Variants in NEO1 observed in about 807,000 individuals in gnomAD.
The protein encoded by NEO1 is neogenin 1.
In NEO1, 63 loss-of-function variants were observed where a neutral mutation model predicts 159.7. That is an observed-to-expected ratio of 0.39 (90% CI 0.32 to 0.49). The LOEUF is 0.49. Ranked by LOEUF, NEO1 falls within the 20% of genes least tolerant of loss-of-function variation. The probability of loss-of-function intolerance (pLI) is 0.85; values close to 1 mark genes in which losing one functional copy is unlikely to be tolerated. For missense variants in NEO1, 1,615 were observed against 1,831.0 expected (o/e 0.88, Z 2.15); for synonymous variants, 633 against 662.0 (o/e 0.96, Z 0.67).
chr15:73,053,758 G>T (rs2067573612), intron 1 of NEO1, among the ~76,000 whole-genome samples: 1 of 152,222 alleles, frequency 6.6e-6, no homozygotes, highest in African/African-American at 2.4e-5. Context: ...CATGTAATCT[G>T]TTAAAATTAT....
rs566508144 is a variant in NEO1 at position 73,117,002 on chromosome 15, C to T, written c.448+145C>T. On this transcript the variant is annotated intron_variant, in intron 2 of 28. Transcript: ENST00000261908. ...AGATATCAATTGTGCATATACTCTG[C>T]GTATGGGACCTTGCTGTAGGGCTTG... 40 of 634,616 alleles carry T rather than the reference C, an allele frequency of 6.3e-5. 1 individual carries two copies. In the Admixed American group the frequency reaches 1.3e-3, roughly 21 times the overall value. 39.3% of individuals were successfully genotyped at this position (634,616 alleles called of 1,614,324 possible). A position where few individuals can be genotyped will look rare whatever the true frequency, so the allele number is the denominator to read the frequency against.
intron 1 of NEO1, among the ~76,000 whole-genome samples, chr15:73,063,675 A>G (rs574343472): frequency 1.3e-5 from 2 of 152,198 alleles, no homozygotes; most frequent in East Asian, 3.9e-4. Context: ...GGAGGGTAAA[A>G]TACAGAGCAT....
chr15:73,291,507 A>G (rs1183036863), intron 25 of NEO1, among the ~76,000 whole-genome samples: 3 of 152,116 alleles, frequency 2.0e-5, no homozygotes, highest in African/African-American at 4.8e-5. Flanking sequence ...GTTTTCAGAT[A>G]CTGTTTTTAA....
intron 2 of NEO1, among the ~76,000 whole-genome samples, chr15:73,120,393 A>C (rs1392886345): frequency 6.7e-6 from 1 of 148,538 alleles, no homozygotes; most frequent in Non-Finnish European, 1.5e-5. Context: ...CCTTGAAATA[A>C]AAAAAAAATA....
At chr15:73,057,649 G>C (rs1256191395) in intron 1 of NEO1, among the ~76,000 whole-genome samples, 2 of 152,118 alleles carry the variant, frequency 1.3e-5, no homozygotes, top group Non-Finnish European at 2.9e-5. Flanking sequence ...AGAATGAAGA[G>C]AGTTTTTTTG....
At chr15:73,282,926 C>A in intron 22 of NEO1, 38 bp from the exon 23 acceptor site, 1 of 1,599,012 alleles carries the variant, frequency 6.3e-7, no homozygotes, top group Non-Finnish European at 8.5e-7. Flanking sequence ...GTTTTAAATT[C>A]TCTAACCCTA....
chr15:73,261,888 A>C (rs1404076569), intron 15 of NEO1, among the ~76,000 whole-genome samples: 5 of 152,202 alleles, frequency 3.3e-5, no homozygotes, highest in Non-Finnish European at 7.4e-5. Context: ...ATGTCTTCTT[A>C]TAATTGAGAC....
intron 16 of NEO1, among the ~76,000 whole-genome samples, chr15:73,267,999 G>A (rs1430902661): frequency 6.6e-6 from 1 of 152,174 alleles, no homozygotes; most frequent in East Asian, 1.9e-4. Context: ...CTTTCCTGAA[G>A]GAAGAGTACA....
At chr15:73,117,285 GATTA>G (rs1254231482) in intron 2 of NEO1, among the ~76,000 whole-genome samples, 1 of 152,166 alleles carries the variant, frequency 6.6e-6, no homozygotes, top group African/African-American at 2.4e-5. Flanking sequence ...CATTCAATTG[GATTA>G]ATTGTTTTAA....
chr15:73,250,737 T>C (rs2040028357), intron 11 of NEO1, among the ~76,000 whole-genome samples: 1 of 152,116 alleles, frequency 6.6e-6, no homozygotes, highest in Non-Finnish European at 1.5e-5. Context: ...TTCTAGAATC[T>C]AGATTAAAGA....
intron 1 of NEO1, among the ~76,000 whole-genome samples, chr15:73,073,843 G>T (rs2068647521): frequency 6.6e-6 from 1 of 152,116 alleles, no homozygotes; most frequent in South Asian, 2.1e-4. Flanking sequence ...AATTATATGG[G>T]AATAGTATTG....
At chr15:73,222,339 C>T (rs373781442) in intron 7 of NEO1, among the ~76,000 whole-genome samples, 1 of 151,710 alleles carries the variant, frequency 6.6e-6, no homozygotes, top group African/African-American at 2.4e-5. Context: ...CTCCTGACCT[C>T]GTGATCCGCC....
At chr15:73,130,960 G>C (rs1255197330) in intron 4 of NEO1, among the ~76,000 whole-genome samples, 1 of 152,148 alleles carries the variant, frequency 6.6e-6, no homozygotes, top group Non-Finnish European at 1.5e-5. Flanking sequence ...TCCCAACCCT[G>C]CTAAGAAGCA....
At chr15:73,234,485 T>C (rs969167477) in intron 7 of NEO1, among the ~76,000 whole-genome samples, 12 of 152,190 alleles carry the variant, frequency 7.9e-5, no homozygotes, top group African/African-American at 2.4e-5. Context: ...ATAGGGTTAT[T>C]GTGTGAGTAA....
chr15:73,145,845 T>C (rs2032849678), intron 5 of NEO1, among the ~76,000 whole-genome samples: 1 of 152,182 alleles, frequency 6.6e-6, no homozygotes, highest in South Asian at 2.1e-4. Flanking sequence ...TGTTTACTTA[T>C]CTTGAAAGGA....
chr15:73,101,821 A>G (rs1478996509), intron 1 of NEO1, among the ~76,000 whole-genome samples: 2 of 152,096 alleles, frequency 1.3e-5, no homozygotes, highest in Non-Finnish European at 2.9e-5. Flanking sequence ...CAGTCTTTCT[A>G]CTGGTTCTTT....
At chr15:73,056,844 A>G (rs1286514895) in intron 1 of NEO1, among the ~76,000 whole-genome samples, 1 of 152,160 alleles carries the variant, frequency 6.6e-6, no homozygotes. Context: ...GATCTTACTG[A>G]GTCATCTAAA....
At chr15:73,096,254 G>C (rs1438650356) in intron 1 of NEO1, among the ~76,000 whole-genome samples, 1 of 152,086 alleles carries the variant, frequency 6.6e-6, no homozygotes, top group South Asian at 2.1e-4. Context: ...TATGACTGAA[G>C]AAGTTGAGCA....
At chr15:73,182,941 A>G (rs2035699277) in intron 7 of NEO1, among the ~76,000 whole-genome samples, 1 of 152,192 alleles carries the variant, frequency 6.6e-6, no homozygotes, top group African/African-American at 2.4e-5. Context: ...GCAGAACACA[A>G]GAGAAAGAGA....
Sources: gnomAD v4.1 joint callset for allele counts (sites outside exome capture counted in the v4.1 genomes callset) on GRCh38, gnomAD v4.1.1 for gene constraint, MANE v1.5 for transcripts, NCBI Gene and HGNC (gene_info 2026-07-23, HGNC 2026-07-21) for gene names.